PTPRN2: variants seen among roughly 807,000 people sequenced by gnomAD.
PTPRN2 encodes the protein protein tyrosine phosphatase receptor type N2.
PTPRN2 carries 74 observed loss-of-function variants against 118.8 expected under a neutral mutation model. The ratio of observed to expected loss-of-function variants is 0.62; its 90% CI spans 0.52 to 0.76. The LOEUF (loss-of-function observed/expected upper bound fraction) is 0.76, where lower values mean the gene tolerates loss of function less well. PTPRN2 is among the 30% of genes least tolerant of loss of function. The pLI is 0.00. For missense variants in PTPRN2, 1,481 were observed against 1,394.4 expected, an observed-to-expected ratio of 1.06 and a Z score of -0.99; for synonymous variants, 641 against 608.0, an observed-to-expected ratio of 1.05 and a Z score of -0.80.
chr7:157,927,369 G>C (rs35147098), intron 11 of PTPRN2, among the ~76,000 whole-genome samples: 3,618 of 19,576 alleles, frequency 0.18, 643 homozygotes, highest in Admixed American at 0.2. Context: ...GACCTCACGT[G>C]TGCTGGGACC....
chr7:158,372,252 GT>G (rs1810079467), intron 2 of PTPRN2, among the ~76,000 whole-genome samples: 1 of 136,186 alleles, frequency 7.3e-6, no homozygotes, highest in Non-Finnish European at 1.6e-5. Flanking sequence ...GGCCTCCCCA[GT>G]GCTGGTCCCC....
At chr7:157,880,862 A>G (rs117741664) in intron 12 of PTPRN2, among the ~76,000 whole-genome samples, 8 of 152,334 alleles carry the variant, frequency 5.3e-5, no homozygotes, top group Non-Finnish European at 1.0e-4. Flanking sequence ...AATGGCATAG[A>G]TGTATTCCTC....
At chr7:157,931,280 G>A (rs1050518866) in intron 11 of PTPRN2, among the ~76,000 whole-genome samples, 1 of 152,204 alleles carries the variant, frequency 6.6e-6, no homozygotes, top group Non-Finnish European at 1.5e-5. Context: ...GGTTTCTGTC[G>A]CTTGCTAATA....
intron 17 of PTPRN2, among the ~76,000 whole-genome samples, chr7:157,584,642 T>A (rs902294822): frequency 1.3e-5 from 2 of 152,394 alleles, no homozygotes; most frequent in African/African-American, 4.8e-5. Flanking sequence ...TGCTCATTTC[T>A]GTTGTGAGCG....
intron 12 of PTPRN2, among the ~76,000 whole-genome samples, chr7:157,771,181 A>G (rs1378998648): frequency 6.6e-6 from 1 of 152,164 alleles, no homozygotes; most frequent in Non-Finnish European, 1.5e-5. Flanking sequence ...TGCCACCACA[A>G]TGTGCCAGCT....
chr7:158,371,565 A>C (rs1195544245), intron 2 of PTPRN2, among the ~76,000 whole-genome samples: 2 of 152,218 alleles, frequency 1.3e-5, no homozygotes, highest in Non-Finnish European at 2.9e-5. Flanking sequence ...CACATTGATG[A>C]CCTTGTGACG....
chr7:158,456,359 G>A (rs1464709254), intron 2 of PTPRN2, among the ~76,000 whole-genome samples: 1 of 146,586 alleles, frequency 6.8e-6, no homozygotes, highest in Non-Finnish European at 1.5e-5. Context: ...CAGCATGGAC[G>A]CCATTGGCCA....
chr7:157,898,552 C>G, intron 12 of PTPRN2, 121 bp downstream of exon 12: 1 of 1,038,776 alleles, frequency 9.6e-7, no homozygotes, highest in Admixed American at 1.9e-5. Flanking sequence ...ACTGGTCCTC[C>G]CAGGAAAACA....
At chr7:157,818,735 G>A (rs903689107) in intron 12 of PTPRN2, among the ~76,000 whole-genome samples, 1 of 152,120 alleles carries the variant, frequency 6.6e-6, no homozygotes, top group Non-Finnish European at 1.5e-5. Flanking sequence ...TTATTAGGAA[G>A]ATTAAATGTT....
At chr7:158,412,673 T>C (rs1586611480) in intron 2 of PTPRN2, among the ~76,000 whole-genome samples, 1 of 66,416 alleles carries the variant, frequency 1.5e-5, no homozygotes, top group Non-Finnish European at 2.8e-5. Flanking sequence ...CTCAGCACCC[T>C]CCTCAGCACC....
At chr7:157,926,804 T>C (rs28716662) in intron 11 of PTPRN2, among the ~76,000 whole-genome samples, 67,984 of 152,104 alleles carry the variant, frequency 0.45, 17,005 homozygotes, top group Non-Finnish European at 0.58. Context: ...GGACACTCCA[T>C]GGCCCCCACT....
At chr7:158,316,767 G>T in intron 3 of PTPRN2, 52 bp downstream of exon 3, 1 of 1,364,532 alleles carries the variant, frequency 7.3e-7, no homozygotes, top group Non-Finnish European at 1.0e-6. Flanking sequence ...AGCCAAGCCC[G>T]TGCGGTCGCT....
chr7:157,662,326 G>C (rs1292858668), intron 13 of PTPRN2, among the ~76,000 whole-genome samples: 3 of 152,188 alleles, frequency 2.0e-5, no homozygotes, highest in Non-Finnish European at 4.4e-5. Context: ...TCAAAATCAG[G>C]TTTGCTATGG....
intron 1 of PTPRN2, among the ~76,000 whole-genome samples, chr7:158,519,922 A>G (rs1365960889): frequency 1.3e-5 from 2 of 152,202 alleles, no homozygotes; most frequent in Non-Finnish European, 2.9e-5. Flanking sequence ...CTTTACTATC[A>G]TTAGCCTGAA....
intron 6 of PTPRN2, among the ~76,000 whole-genome samples, chr7:158,146,950 C>CT (rs1820134147): frequency 2.2e-5 from 3 of 138,520 alleles, no homozygotes; most frequent in Non-Finnish European, 3.1e-5. Flanking sequence ...GTCTTTCCCC[C>CT]TCAATGACAC....
intron 12 of PTPRN2, among the ~76,000 whole-genome samples, chr7:157,849,331 G>A (rs1462752277): frequency 6.6e-6 from 1 of 152,128 alleles, no homozygotes; most frequent in Non-Finnish European, 1.5e-5. Flanking sequence ...GGGCCATCCG[G>A]AAGTTGCGAT....
chr7:158,200,179 A>C (rs970779169), intron 4 of PTPRN2, among the ~76,000 whole-genome samples: 1 of 152,174 alleles, frequency 6.6e-6, no homozygotes, highest in Admixed American at 6.5e-5. Context: ...ATCTTATAAA[A>C]GCTGAGTTTC....
Position 157,671,021 on chromosome 7 carries a change from G to A in PTPRN2, c.2001+11704C>T, listed in dbSNP as rs778949960. Among the ~76,000 whole-genome samples, 1 of 152,190 alleles carries A rather than the reference G, an allele frequency of 6.6e-6. No homozygotes were observed. The highest frequency in any genetic ancestry group is 2.4e-5 in the African/African-American group (1 of 41,444). ...CACCCGCATCTTCAGCCTGCAGCGC[G>A]TAGGGAGGACTCCCCATGGGCGGGC... On this transcript the variant is annotated intron_variant, in intron 13 of 22. Coordinates refer to ENST00000389418, the MANE Select transcript of PTPRN2 (RefSeq NM_002847.5). The surrounding 1 kb of genome is among the most constrained non-coding windows in gnomAD (Gnocchi z 4.1).
chr7:158,513,114 C>A (rs987482035), intron 1 of PTPRN2, among the ~76,000 whole-genome samples: 7 of 152,122 alleles, frequency 4.6e-5, no homozygotes, highest in African/African-American at 1.7e-4. Context: ...GGAGAAGCCG[C>A]AACCCTCCCC....
Sources: allele counts gnomAD v4.1 joint callset (sites outside exome capture counted in the v4.1 genomes callset), GRCh38; gene constraint gnomAD v4.1.1; non-coding constraint Gnocchi (gnomAD v3.1); transcripts MANE v1.5; gene names NCBI Gene and HGNC (gene_info 2026-07-23, HGNC 2026-07-21).